The following TANK variants were observed in gnomAD, a reference collection of about 807,000 sequenced individuals.
TANK encodes TRAF family member associated NFKB activator.
In TANK, 15 loss-of-function variants were observed where a neutral mutation model predicts 43.6. The observed-to-expected ratio is 0.34, with a 90% CI of 0.23 to 0.53. The LOEUF (loss-of-function observed/expected upper bound fraction) is 0.53, where lower values mean the gene tolerates loss of function less well. Ranked by LOEUF, TANK falls within the 20% of genes least tolerant of loss-of-function variation. TANK has a pLI of 0.94. For synonymous variants in TANK, 162 were observed against 178.2 expected, an observed-to-expected ratio of 0.91 and a Z score of 0.73; for missense variants, 417 against 498.6, an observed-to-expected ratio of 0.84 and a Z score of 1.56.
chr2:161,215,898 A>G (rs1446147427), intron 4 of TANK, among the ~76,000 whole-genome samples: 1 of 152,156 alleles, frequency 6.6e-6, no homozygotes, highest in Non-Finnish European at 1.5e-5. Flanking sequence ...TCATCTTTCT[A>G]TATACTTATG....
chr2:161,205,023 A>C, intron 4 of TANK: 2 of 1,209,762 alleles, frequency 1.7e-6, no homozygotes, highest in Non-Finnish European at 1.1e-6. Flanking sequence ...CAACAAAGAA[A>C]ACATTTAACA....
intron 1 of TANK, among the ~76,000 whole-genome samples, chr2:161,143,664 C>T (rs1468945331): frequency 6.6e-6 from 1 of 152,134 alleles, no homozygotes. Flanking sequence ...AGGGATGAAG[C>T]TGACTTGATC....
chr2:161,217,150 G>A (rs1687152886), intron 4 of TANK, among the ~76,000 whole-genome samples: 1 of 152,086 alleles, frequency 6.6e-6, no homozygotes, highest in Non-Finnish European at 1.5e-5. Flanking sequence ...TGGTAGTTTT[G>A]TTTTTACAGG....
At chr2:161,230,078 C>G (rs1244959872) in intron 6 of TANK, among the ~76,000 whole-genome samples, 4 of 152,136 alleles carry the variant, frequency 2.6e-5, no homozygotes, top group Admixed American at 1.3e-4. Context: ...CCTTTAGCAA[C>G]TCATACTCCC....
At chr2:161,193,999 T>C (rs1045428075) in intron 2 of TANK, among the ~76,000 whole-genome samples, 5 of 152,156 alleles carry the variant, frequency 3.3e-5, no homozygotes, top group African/African-American at 1.2e-4. Flanking sequence ...CTCCATAATA[T>C]GGAATTAAAT....
chr2:161,179,965 T>G (rs1459844580), intron 2 of TANK: 2 of 1,252,328 alleles, frequency 1.6e-6, no homozygotes, highest in Non-Finnish European at 2.0e-6. Context: ...AAGAGTTGAT[T>G]TGATGGGCTC....
intron 2 of TANK, among the ~76,000 whole-genome samples, chr2:161,200,764 T>C (rs935278171): frequency 2.6e-5 from 4 of 151,696 alleles, no homozygotes; most frequent in Admixed American, 1.3e-4. Flanking sequence ...AGATCATTTC[T>C]GAAAGCATAT....
intron 2 of TANK, among the ~76,000 whole-genome samples, chr2:161,199,134 T>C (rs1364295438): frequency 2.0e-5 from 3 of 152,224 alleles, no homozygotes; most frequent in Non-Finnish European, 4.4e-5. Context: ...CTTCATGAAC[T>C]GTAGAGCTTC....
intron 4 of TANK, chr2:161,212,072 T>C: frequency 1.3e-6 from 1 of 798,088 alleles, no homozygotes; most frequent in Non-Finnish European, 1.5e-6. Flanking sequence ...ACTTTTTTTT[T>C]TTTTTTGAGA....
chr2:161,161,271 ATCTCACCTC>A, intron 1 of TANK: 1 of 1,550,508 alleles, frequency 6.4e-7, no homozygotes, highest in Non-Finnish European at 8.7e-7. Flanking sequence ...AGTGGTGTTT[ATCTCACCTC>A]ACAGGAGATG....
At chr2:161,178,763 C>G (rs1685286748) in intron 1 of TANK, among the ~76,000 whole-genome samples, 1 of 152,048 alleles carries the variant, frequency 6.6e-6, no homozygotes, top group Non-Finnish European at 1.5e-5. Context: ...AAAGAATTTT[C>G]ACAAACATGA....
At chr2:161,183,079 T>C (rs1470283163) in intron 2 of TANK, among the ~76,000 whole-genome samples, 1 of 152,186 alleles carries the variant, frequency 6.6e-6, no homozygotes, top group East Asian at 1.9e-4. Context: ...CATGCAATTA[T>C]TAGCTTCTTC....
chr2:161,177,548 CAAAGACTTT>C (rs1262191263), intron 1 of TANK, among the ~76,000 whole-genome samples: 3 of 151,928 alleles, frequency 2.0e-5, no homozygotes, highest in African/African-American at 7.2e-5. Flanking sequence ...CAGTATGGAT[CAAAGACTTT>C]AATATAAATT....
At chr2:161,156,096 G>A, upstream of TANK, 1 of 984,730 alleles carries the variant, frequency 1.0e-6, no homozygotes, top group Non-Finnish European at 1.2e-6. Context: ...GATAGCTTCT[G>A]ATATATCTGT....
intron 2 of TANK, among the ~76,000 whole-genome samples, chr2:161,182,174 TA>T (rs758204095): frequency 2.6e-5 from 4 of 152,134 alleles, no homozygotes; most frequent in Non-Finnish European, 4.4e-5. Context: ...TTAGGTTCAT[TA>T]AGAAGACTTG....
intron 7 of TANK, 72 bp downstream of exon 7, chr2:161,231,623 A>C (rs1051897970): frequency 1.5e-6 from 2 of 1,359,750 alleles, no homozygotes; most frequent in Non-Finnish European, 2.1e-6. Flanking sequence ...ACAGATATGC[A>C]TCTCTTTTAC....
chr2:161,168,506 G>GA (rs1398536125), intron 1 of TANK, among the ~76,000 whole-genome samples: 2 of 151,660 alleles, frequency 1.3e-5, no homozygotes. Flanking sequence ...GGGACAAAAA[G>GA]AAAAAAAATC....
chr2:161,224,665 G>A lies in TANK; in HGVS notation c.439G>A (p.Glu147Lys). 1 of 1,586,858 alleles carries A rather than the reference G, an allele frequency of 6.3e-7. No individual in the cohort carries two copies. The highest frequency in any genetic ancestry group is 2.3e-5 in the East Asian group (1 of 43,922). The change falls in exon 6 of 8, where the codon GAA (glutamate) becomes AAA (lysine). Residue 147 changes from glutamate to lysine, a missense_variant. Transcript: ENST00000392749. ...NIEKTFWDLK[E>K]EFHKICMLAK... is the part of the protein sequence containing the mutation. Reference sequence around the variant, plus strand: ...AGAGAAGACTTTCTGGGATCTGAAAGAAGAATTTCATAAAATATGCATGCT... The same window carrying A: ...AGAGAAGACTTTCTGGGATCTGAAAAAAGAATTTCATAAAATATGCATGCT...
chr2:161,200,977 T>C (rs1686381888), intron 2 of TANK: 1 of 358,764 alleles, frequency 2.8e-6, no homozygotes, highest in African/African-American at 2.2e-5. Context: ...TCTGTAATAC[T>C]CTGGAGATAT....
Sources: allele counts gnomAD v4.1 joint callset (sites outside exome capture counted in the v4.1 genomes callset), GRCh38; gene constraint gnomAD v4.1.1; transcripts MANE v1.5; gene names NCBI Gene and HGNC (gene_info 2026-07-23, HGNC 2026-07-21).